Variants in CHD9NB observed in about 807,000 individuals in gnomAD.
CHD9NB encodes the protein CHD9 neighbor.
the CHD9NB span, among the ~76,000 whole-genome samples, chr16:53,038,076 T>C: frequency 1.3e-5 from 2 of 152,298 alleles, no homozygotes; most frequent in South Asian, 4.1e-4. Context: ...GTCTAAGTCC[T>C]GGAGTCTGAA....
At chr16:53,038,437 TC>T in the CHD9NB span, among the ~76,000 whole-genome samples, 2 of 152,242 alleles carry the variant, frequency 1.3e-5, 1 homozygote, top group African/African-American at 4.8e-5. Context: ...AACCTCTGCC[TC>T]CCAGTTTCAA....
chr16:53,051,451 G>A, the CHD9NB span, among the ~76,000 whole-genome samples: 1 of 151,944 alleles, frequency 6.6e-6, no homozygotes, highest in Non-Finnish European at 1.5e-5. Flanking sequence ...AAAAAATGAT[G>A]AGTTCATGTC....
chr16:53,050,548 GA>G, the CHD9NB span, among the ~76,000 whole-genome samples: 9 of 152,114 alleles, frequency 5.9e-5, no homozygotes, highest in Non-Finnish European at 1.0e-4. Context: ...GGGATTTTTG[GA>G]AAGAGTCAAT....
chr16:53,039,392 C>G, the CHD9NB span, among the ~76,000 whole-genome samples: 1 of 152,126 alleles, frequency 6.6e-6, no homozygotes, highest in Admixed American at 6.6e-5. Flanking sequence ...AGGGCCAAAT[C>G]CTACAATTTT....
At chr16:53,035,964 A>T in the CHD9NB span, 3 of 128,748 alleles carry the variant, frequency 2.3e-5, no homozygotes, top group African/African-American at 9.7e-5. Context: ...GACCCTTTCT[A>T]AAAAAAAAAA....
the CHD9NB span, among the ~76,000 whole-genome samples, chr16:53,039,931 T>C: frequency 6.6e-6 from 1 of 152,004 alleles, no homozygotes; most frequent in Non-Finnish European, 1.5e-5. Flanking sequence ...ATAAGATTTG[T>C]TACTAAAAAA....
chr16:53,042,064 C>T, the CHD9NB span, among the ~76,000 whole-genome samples: 211 of 152,288 alleles, frequency 1.4e-3, 1 homozygote, highest in Non-Finnish European at 1.6e-4. Context: ...TTCCTCACCG[C>T]AGTTGCCTTA....
chr16:53,045,425 G>A, the CHD9NB span, among the ~76,000 whole-genome samples: 1 of 152,144 alleles, frequency 6.6e-6, no homozygotes, highest in South Asian at 2.1e-4. Flanking sequence ...TACTTCCTTA[G>A]TGAAGCCTCG....
the CHD9NB span, chr16:53,043,919 A>C: frequency 7.5e-6 from 3 of 398,088 alleles, no homozygotes; most frequent in Non-Finnish European, 1.3e-5. Context: ...GGAGCTTCTC[A>C]GGGTGGGGAT....
the CHD9NB span, among the ~76,000 whole-genome samples, chr16:53,046,996 T>A: frequency 6.6e-6 from 1 of 152,026 alleles, no homozygotes; most frequent in African/African-American, 2.4e-5. Flanking sequence ...AGGAATAGAA[T>A]ATGACCAAAA....
chr16:53,051,820 C>G, the CHD9NB span, among the ~76,000 whole-genome samples: 12 of 119,750 alleles, frequency 1.0e-4, no homozygotes, highest in Admixed American at 1.8e-4. Context: ...TAATGAGTAC[C>G]TTGCCTATCC....
At chr16:53,040,900 A>C in the CHD9NB span, among the ~76,000 whole-genome samples, 6 of 152,160 alleles carry the variant, frequency 3.9e-5, no homozygotes, top group Admixed American at 1.3e-4. Flanking sequence ...ACTGATGAAC[A>C]GATAGGTGGA....
At chr16:53,052,361 C>G in the CHD9NB span, among the ~76,000 whole-genome samples, 1 of 151,964 alleles carries the variant, frequency 6.6e-6, no homozygotes, top group Non-Finnish European at 1.5e-5. Flanking sequence ...ACAATGATCA[C>G]CTGGATGACA....
the CHD9NB span, chr16:53,044,319 A>C: frequency 2.5e-6 from 1 of 395,898 alleles, no homozygotes. Flanking sequence ...CCCGCTGTGC[A>C]TAAGGAGCCC....
At chr16:53,044,410 C>G in the CHD9NB span, 11 of 374,028 alleles carry the variant, frequency 2.9e-5, no homozygotes, top group East Asian at 3.8e-5. Context: ...ATTCATTCCA[C>G]CAGAAGAATT....
chr16:53,036,782 C>T, the CHD9NB span, among the ~76,000 whole-genome samples: 2 of 152,204 alleles, frequency 1.3e-5, no homozygotes, highest in African/African-American at 4.8e-5. Context: ...AATGTTATTT[C>T]CTAAGCCAAT....
the CHD9NB span, among the ~76,000 whole-genome samples, chr16:53,041,039 G>A: frequency 2.4e-4 from 37 of 152,248 alleles, no homozygotes; most frequent in Non-Finnish European, 4.6e-4. Flanking sequence ...TGGAAAGAAA[G>A]ATGGAAGGAC....
the CHD9NB span, chr16:53,044,137 T>C: frequency 2.5e-6 from 1 of 398,744 alleles, no homozygotes; most frequent in Non-Finnish European, 4.4e-6. Flanking sequence ...ACCGTGGTGC[T>C]CTTGCTGGAG....
At chr16:53,046,493 T>C in the CHD9NB span, among the ~76,000 whole-genome samples, 3 of 146,846 alleles carry the variant, frequency 2.0e-5, no homozygotes, top group African/African-American at 7.6e-5. Context: ...CCTGGCAACA[T>C]GGTAAAACTC....
Sources: gnomAD v4.1 joint callset for allele counts (sites outside exome capture counted in the v4.1 genomes callset) on GRCh38, gnomAD v4.1.1 for gene constraint, MANE v1.5 for transcripts, NCBI Gene and HGNC (gene_info 2026-07-23, HGNC 2026-07-21) for gene names.